CSMD1: variants seen among roughly 807,000 people sequenced by gnomAD.
CSMD1 encodes CUB and sushi domain-containing protein 1.
In CSMD1, 213 loss-of-function variants were observed where a neutral mutation model predicts 417.5. The ratio of observed to expected loss-of-function variants is 0.51; its 90% CI spans 0.46 to 0.57. The LOEUF (loss-of-function observed/expected upper bound fraction) is 0.57. CSMD1 is among the 20% of genes least tolerant of loss of function. CSMD1 has a pLI of 0.00. For missense variants in CSMD1, 6,923 were observed against 4,529.7 expected, an observed-to-expected ratio of 1.53 and a Z score of -15.17; for synonymous variants, 2,862 against 1,736.8, an observed-to-expected ratio of 1.65 and a Z score of -16.11.
intron 1 of CSMD1, among the ~76,000 whole-genome samples, chr8:4,669,380 G>A (rs1358659534): frequency 1.3e-5 from 2 of 152,102 alleles, no homozygotes; most frequent in East Asian, 3.8e-4. Context: ...GAGATTTTTG[G>A]TAATCATACA....
intron 3 of CSMD1, among the ~76,000 whole-genome samples, chr8:4,316,793 T>A (rs902745315): frequency 2.0e-5 from 3 of 152,132 alleles, no homozygotes; most frequent in Non-Finnish European, 4.4e-5. Context: ...AGTAAATCTA[T>A]ATTGTGCTTC....
At chr8:3,016,981 C>A (rs1448245448) in intron 52 of CSMD1, among the ~76,000 whole-genome samples, 8 of 152,198 alleles carry the variant, frequency 5.3e-5, no homozygotes, top group Admixed American at 5.2e-4. Flanking sequence ...CAAGCTGACC[C>A]ATCATTTAAC....
chr8:3,801,352 T>C (rs149494120), intron 5 of CSMD1, among the ~76,000 whole-genome samples: 2 of 152,088 alleles, frequency 1.3e-5, no homozygotes, highest in Non-Finnish European at 1.5e-5. Context: ...AATAAGCCCA[T>C]GAAAAGATGC....
chr8:4,757,100 G>C (rs528926691), intron 1 of CSMD1, among the ~76,000 whole-genome samples: 6 of 152,164 alleles, frequency 3.9e-5, no homozygotes, highest in African/African-American at 9.7e-5. Flanking sequence ...GTAGGACAAA[G>C]AACAAACACA....
intron 8 of CSMD1, among the ~76,000 whole-genome samples, chr8:3,609,904 C>G (rs1033309312): frequency 2.3e-5 from 3 of 128,550 alleles, no homozygotes; most frequent in Non-Finnish European, 4.7e-5. Flanking sequence ...TGGGTTCAAA[C>G]GATTCTCCTG....
Position 3,586,169 on chromosome 8 carries a change from C to G in CSMD1, c.1189G>C (p.Ala397Pro), listed in dbSNP as rs756545953. The change falls in exon 9 of 70, where the codon GCT (alanine) becomes CCT (proline). Residue 397 changes from alanine (A) to proline (P), a missense_variant. Ala to Pro is a conservative substitution (Grantham distance 27). Coordinates refer to ENST00000635120, the MANE Select transcript of CSMD1 (RefSeq NM_033225.6). ...ITCQRVTETL[A>P]AWSDHRPICR... The stretch of plus-strand genomic sequence containing the variant: ...ATGGGCCTGTGGTCACTCCAAGCAG[C>G]GAGCGTCTCTGTAACTCTCTGACAG... The G allele has an allele frequency of 2.5e-6, 4 of 1,612,516 alleles. No homozygotes were observed. Among genetic ancestry groups the G allele is most frequent in the South Asian group, 1.1e-5 (1 of 90,854 alleles).
chr8:3,594,742 A>C (rs1041624743), intron 8 of CSMD1, among the ~76,000 whole-genome samples: 7 of 152,298 alleles, frequency 4.6e-5, no homozygotes, highest in Non-Finnish European at 8.8e-5. Flanking sequence ...CACAAAGCAC[A>C]GAAGTATGGA....
intron 2 of CSMD1, among the ~76,000 whole-genome samples, chr8:4,516,647 G>A (rs895529912): frequency 6.6e-6 from 1 of 152,082 alleles, no homozygotes; most frequent in African/African-American, 2.4e-5. Context: ...GTGTGATCCT[G>A]CCTCTCTCAA....
Position 4,023,063 on chromosome 8 carries a change from T to C in CSMD1, c.610+8842A>G, listed in dbSNP as rs140880815. ...AGATGCTTCCATTTCCTGGCTCTCT[T>C]TGCAGTGAAATATGGCCTCATGGTT... On this transcript the variant is annotated intron_variant, in intron 4 of 69. Coordinates refer to ENST00000635120, the MANE Select transcript of CSMD1 (RefSeq NM_033225.6). Among the ~76,000 whole-genome samples the C allele has an allele frequency of 5.9e-3, 898 of 152,320 alleles. 8 individuals carry two copies. Among genetic ancestry groups the C allele is most frequent in the African/African-American group, 0.018 (746 of 41,566 alleles).
At chr8:3,823,938 T>C (rs1275752885) in intron 5 of CSMD1, among the ~76,000 whole-genome samples, 1 of 152,220 alleles carries the variant, frequency 6.6e-6, no homozygotes, top group Non-Finnish European at 1.5e-5. Context: ...TCTCTGGTAA[T>C]TTTATACAAA....
intron 3 of CSMD1, among the ~76,000 whole-genome samples, chr8:4,244,663 C>G (rs1429467753): frequency 6.6e-6 from 1 of 151,938 alleles, no homozygotes; most frequent in African/African-American, 2.4e-5. Flanking sequence ...TATTACATGA[C>G]AGATTTAAAT....
intron 3 of CSMD1, among the ~76,000 whole-genome samples, chr8:4,197,317 A>G (rs1799395970): frequency 6.6e-6 from 1 of 152,242 alleles, no homozygotes; most frequent in Non-Finnish European, 1.5e-5. Context: ...TTATACAACA[A>G]CCTGACTTGG....
chr8:4,453,419 C>A (rs920592547), intron 2 of CSMD1, among the ~76,000 whole-genome samples: 1 of 152,210 alleles, frequency 6.6e-6, no homozygotes. Context: ...CCAGAAGACA[C>A]TGGACAGTTA....
chr8:4,384,314 G>A lies in CSMD1; in HGVS notation c.415+35639C>T, dbSNP rs145720178. Among the ~76,000 whole-genome samples, 779 of 152,160 alleles carry A rather than the reference G, an allele frequency of 5.1e-3. 8 individuals carry two copies. Among genetic ancestry groups the A allele is most frequent in the African/African-American group, 0.018 (730 of 41,504 alleles). On this transcript the variant is annotated intron_variant, in intron 3 of 69. Transcript: ENST00000635120. ...ATTAAGATCCATAAAGGGCAGTTCC[G>A]AAATCTACCTCATGGCAACGCACAC... is the stretch of plus-strand genomic sequence containing the variant.
chr8:4,752,144 C>G (rs888755573), intron 1 of CSMD1, among the ~76,000 whole-genome samples: 2 of 151,988 alleles, frequency 1.3e-5, no homozygotes, highest in African/African-American at 4.8e-5. Flanking sequence ...ATATGTATCT[C>G]AGTTGCTCTT....
At chr8:3,353,976 G>A (rs2117675131) in intron 21 of CSMD1, among the ~76,000 whole-genome samples, 1 of 152,278 alleles carries the variant, frequency 6.6e-6, no homozygotes, top group East Asian at 1.9e-4. Context: ...TTGGCCTGCT[G>A]TAACAAAGTA....
intron 4 of CSMD1, 81 bp from the exon 5 acceptor site, chr8:3,998,191 T>A: frequency 8.0e-7 from 1 of 1,251,776 alleles, no homozygotes; most frequent in South Asian, 1.5e-5. Context: ...GTGTCACTCT[T>A]GATCAGCGAC....
At chr8:3,316,740 G>T (rs553712514) in intron 23 of CSMD1, among the ~76,000 whole-genome samples, 1 of 152,194 alleles carries the variant, frequency 6.6e-6, no homozygotes, top group Non-Finnish European at 1.5e-5. Context: ...TCACGGGAAA[G>T]ACTGGAAAGG....
intron 23 of CSMD1, among the ~76,000 whole-genome samples, chr8:3,330,976 C>A (rs532237268): frequency 1.1e-4 from 17 of 152,196 alleles, no homozygotes; most frequent in African/African-American, 3.4e-4. Context: ...CAGTGCCGGG[C>A]GCGGTGGCTC....
Sources: allele counts gnomAD v4.1 joint callset (sites outside exome capture counted in the v4.1 genomes callset), GRCh38; gene constraint gnomAD v4.1.1; transcripts MANE v1.5; gene names NCBI Gene and HGNC (gene_info 2026-07-23, HGNC 2026-07-21).